ACOXL: variants seen among roughly 807,000 people sequenced by gnomAD.
The protein encoded by ACOXL is acyl-coenzyme A oxidase-like protein.
A neutral mutation model predicts 71.9 loss-of-function variants in ACOXL; 70 were observed. The observed-to-expected ratio is 0.97, with a 90% confidence interval of 0.80 to 1.19. The LOEUF (loss-of-function observed/expected upper bound fraction) is 1.19, where lower values mean the gene tolerates loss of function less well. Ranked by LOEUF, ACOXL falls within the 50% of genes most tolerant of loss-of-function variation. ACOXL has a pLI of 0.00. For synonymous variants in ACOXL, 253 were observed against 281.6 expected, an observed-to-expected ratio of 0.90 and a Z score of 1.02; for missense variants, 703 against 736.3, an observed-to-expected ratio of 0.95 and a Z score of 0.52.
chr2:111,077,656 T>A (rs910464993), intron 16 of ACOXL, among the ~76,000 whole-genome samples: 4 of 152,204 alleles, frequency 2.6e-5, no homozygotes, highest in African/African-American at 7.2e-5. Context: ...GGTAATTTTT[T>A]AAATCTCATC....
chr2:111,060,775 G>C (rs917035724), intron 16 of ACOXL, among the ~76,000 whole-genome samples: 6 of 152,144 alleles, frequency 3.9e-5, no homozygotes, highest in Non-Finnish European at 7.4e-5. Flanking sequence ...CTTGAAACAA[G>C]TGAAACAATA....
chr2:111,114,793 T>C (rs571976426), intron 17 of ACOXL, among the ~76,000 whole-genome samples: 1 of 151,072 alleles, frequency 6.6e-6, no homozygotes, highest in South Asian at 2.1e-4. Context: ...GTAGGGAGAG[T>C]CAAAAAGAGC....
intron 17 of ACOXL, chr2:111,094,421 A>G (rs184427120): frequency 2.1e-4 from 32 of 152,356 alleles, no homozygotes; most frequent in African/African-American, 7.0e-4. Flanking sequence ...AAAGACATGC[A>G]TTGCTTACAG....
At chr2:111,049,130 C>G (rs1395455241) in intron 15 of ACOXL, 88 bp from the exon 16 acceptor site, 1 of 1,028,836 alleles carries the variant, frequency 9.7e-7, no homozygotes, top group Non-Finnish European at 1.5e-6. Context: ...CTGTTTACGT[C>G]TGTTATAACC....
intron 9 of ACOXL, among the ~76,000 whole-genome samples, chr2:110,816,084 G>A (rs879394848): frequency 6.6e-6 from 1 of 152,078 alleles, no homozygotes; most frequent in Non-Finnish European, 1.5e-5. Context: ...TGGATGAATG[G>A]ATAGATGGGT....
chr2:110,963,649 C>T (rs140942985), intron 12 of ACOXL: 5 of 1,613,672 alleles, frequency 3.1e-6, no homozygotes, highest in Non-Finnish European at 3.4e-6. Flanking sequence ...AATCGAATCT[C>T]AGGCTTAAAG....
intron 1 of ACOXL, among the ~76,000 whole-genome samples, chr2:110,759,550 T>G (rs1290628757): frequency 6.6e-6 from 1 of 152,208 alleles, no homozygotes; most frequent in Non-Finnish European, 1.5e-5. Flanking sequence ...CCCTTTATTT[T>G]GAGCCCATGT....
chr2:110,859,806 G>GCACA (rs1419360142), intron 10 of ACOXL, among the ~76,000 whole-genome samples: 1 of 152,176 alleles, frequency 6.6e-6, no homozygotes, highest in African/African-American at 2.4e-5. Flanking sequence ...TTGCATCTGA[G>GCACA]GGTGGCAACC....
At chr2:111,067,797 G>A (rs753899371) in intron 16 of ACOXL, among the ~76,000 whole-genome samples, 1 of 152,240 alleles carries the variant, frequency 6.6e-6, no homozygotes. Context: ...TATTTATTGA[G>A]CCTCTGTTAT....
At chr2:110,767,547 TA>T (rs1390709027) in intron 1 of ACOXL, among the ~76,000 whole-genome samples, 2 of 152,198 alleles carry the variant, frequency 1.3e-5, no homozygotes, top group African/African-American at 4.8e-5. Context: ...CATCAGCTAG[TA>T]GCAGCCAAGA....
At chr2:110,848,584 G>A (rs1228001013) in intron 10 of ACOXL, among the ~76,000 whole-genome samples, 2 of 152,172 alleles carry the variant, frequency 1.3e-5, no homozygotes, top group African/African-American at 2.4e-5. Context: ...TAGGAGAAGG[G>A]TAAATGCCCT....
At position 110,963,592 on chromosome 2, in the gene ACOXL, TGTGTGTGTG is replaced by T. The variant is rs757349825; in HGVS notation, c.1060-23515_1060-23507del. The T allele has an allele frequency of 5.9e-5, 94 of 1,586,376 alleles. No homozygotes were observed. The Middle Eastern group carries it at 8.3e-4, about 14-fold the overall frequency. ...GTGTGTGTGTGTGTGTGTGTGTGTG[TGTGTGTGTG>T]TGTTTTTCTCTTTCTGCAACAGGGT... On this transcript the variant is annotated intron_variant, in intron 12 of 17. Coordinates refer to ENST00000439055, the MANE Select transcript of ACOXL (RefSeq NM_001142807.4).
intron 10 of ACOXL, among the ~76,000 whole-genome samples, chr2:110,863,010 A>T (rs1694144187): frequency 1.3e-5 from 2 of 152,120 alleles, no homozygotes; most frequent in Admixed American, 1.3e-4. Flanking sequence ...TGAGTAACCG[A>T]GTAGGTGTTT....
chr2:110,797,362 C>A (rs1014363285), intron 5 of ACOXL, among the ~76,000 whole-genome samples: 2 of 152,196 alleles, frequency 1.3e-5, no homozygotes, highest in African/African-American at 2.4e-5. Context: ...GAAAGAGACT[C>A]ATTTACAAGT....
At chr2:110,846,641 G>GCACGCGCACACACACACACA (rs1553562227) in intron 10 of ACOXL, among the ~76,000 whole-genome samples, 1 of 137,928 alleles carries the variant, frequency 7.3e-6, no homozygotes, top group South Asian at 2.6e-4. Context: ...ATGCATACAC[G>GCACGCGCACACACACACACA]CACACACACA....
chr2:110,895,667 T>TAGAGAG (rs3058996), intron 10 of ACOXL, among the ~76,000 whole-genome samples: 40,498 of 148,282 alleles, frequency 0.27, 5,879 homozygotes, highest in Middle Eastern at 0.35. Context: ...TTGAAAACAA[T>TAGAGAG]AGAGAGAGAG....
chr2:110,944,242 A>G (rs1159140181), intron 12 of ACOXL, among the ~76,000 whole-genome samples: 9 of 151,832 alleles, frequency 5.9e-5, no homozygotes, highest in Non-Finnish European at 1.0e-4. Flanking sequence ...TATAGTAGAG[A>G]CGGGTTTCAC....
At position 110,868,942 on chromosome 2, in the gene ACOXL, A is replaced by G. The variant is rs144550839; in HGVS notation, c.788+27537A>G. On this transcript the variant is annotated intron_variant, in intron 10 of 17. Transcript: ENST00000439055. ...AGGCAAGGCTGATGTATTTTCCAAA[A>G]TGCTCCCTCTGGAAAATGCACCCTC... 3.7e-3 allele frequency among the ~76,000 whole-genome samples: 570 copies of G among 152,098 alleles called. 10 individuals are homozygous for G. Among genetic ancestry groups the G allele is most frequent in the African/African-American group, 0.013 (542 of 41,478 alleles).
intron 12 of ACOXL, among the ~76,000 whole-genome samples, chr2:110,975,537 A>G (rs933587601): frequency 6.6e-6 from 1 of 152,190 alleles, no homozygotes; most frequent in Admixed American, 6.5e-5. Flanking sequence ...TTATAAAATC[A>G]TAATAACCAT....
Sources: allele counts gnomAD v4.1 joint callset (sites outside exome capture counted in the v4.1 genomes callset), GRCh38; gene constraint gnomAD v4.1.1; transcripts MANE v1.5; gene names NCBI Gene and HGNC (gene_info 2026-07-23, HGNC 2026-07-21).